CUL2: variants seen among roughly 807,000 people sequenced by gnomAD.
CUL2 encodes the protein cullin 2.
Under a neutral mutation model 110.2 loss-of-function variants are expected in CUL2, and 22 were observed. That is an observed-to-expected ratio of 0.20 (90% confidence interval 0.14 to 0.28). The LOEUF is 0.28. Ranked by LOEUF, CUL2 falls within the 10% of genes least tolerant of loss-of-function variation. The pLI, the probability that CUL2 is intolerant of heterozygous loss-of-function variation, is 1.00. For missense variants in CUL2, 631 were observed against 905.5 expected (o/e 0.70, Z 3.89); for synonymous variants, 279 against 293.2 (o/e 0.95, Z 0.49).
rs143752297 is a variant in CUL2 at position 35,031,690 on chromosome 10, G to T, written c.1171-71C>A. 356 of 1,525,340 alleles carry T rather than the reference G, an allele frequency of 2.3e-4. No homozygotes were observed. The African/African-American group carries it at 4.5e-3, about 19-fold the overall frequency. The allele number at this position is 1,525,340 out of a possible 1,614,324, so 94.5% of individuals were successfully genotyped here. Reference sequence around the variant, plus strand: ...TATATCACGCCTCAAAGGAGGCAAAGTGGTGATACAAGGTAAGATCAGCGG... The same window carrying T: ...TATATCACGCCTCAAAGGAGGCAAATTGGTGATACAAGGTAAGATCAGCGG... On this transcript the variant is annotated intron_variant, in intron 12 of 20. Transcript: ENST00000374749. This position sits in a 1 kb window ranked among gnomAD's most constrained non-coding sequence, Gnocchi z 4.4.
At chr10:35,042,593 A>G (rs1479419443) in intron 8 of CUL2, among the ~76,000 whole-genome samples, 2 of 152,100 alleles carry the variant, frequency 1.3e-5, no homozygotes, top group Non-Finnish European at 1.5e-5. Context: ...CGCTGGGGGA[A>G]AGACTACTGA....
At chr10:35,032,267 T>C (rs1191531344) in intron 12 of CUL2, among the ~76,000 whole-genome samples, 168 bp downstream of exon 12, 2 of 152,338 alleles carry the variant, frequency 1.3e-5, no homozygotes, top group Middle Eastern at 3.4e-3. Flanking sequence ...TTAAGACACA[T>C]AGTATATTGC....
chr10:35,114,609 C>T (rs1315129842), intron 1 of CUL2, among the ~76,000 whole-genome samples: 1 of 151,122 alleles, frequency 6.6e-6, no homozygotes, highest in East Asian at 2.0e-4. Context: ...TCTCGAACTC[C>T]TGACTTCATG....
upstream of CUL2, among the ~76,000 whole-genome samples, chr10:35,092,076 C>T (rs1476306735): frequency 6.6e-6 from 1 of 151,804 alleles, no homozygotes; most frequent in Admixed American, 6.6e-5. Context: ...TCTCAGTTTC[C>T]GAAGCAGCTG....
chr10:35,037,645 A>G (rs1419759309), intron 9 of CUL2, among the ~76,000 whole-genome samples: 1 of 152,074 alleles, frequency 6.6e-6, no homozygotes, highest in Admixed American at 6.5e-5. Context: ...GGAGTTCGAG[A>G]CCAGCCGGCC....
At chr10:35,065,891 G>T (rs1245832242) in intron 2 of CUL2, among the ~76,000 whole-genome samples, 1 of 151,990 alleles carries the variant, frequency 6.6e-6, no homozygotes, top group Non-Finnish European at 1.5e-5. Flanking sequence ...AACTAGGTCA[G>T]ATTTCAACTT....
chr10:35,116,826 GCA>G (rs1288367976), intron 1 of CUL2, among the ~76,000 whole-genome samples: 1 of 151,938 alleles, frequency 6.6e-6, no homozygotes, highest in Non-Finnish European at 1.5e-5. Context: ...GCGTGGTGGC[GCA>G]CGCCTGTAGT....
At chr10:35,073,842 G>A (rs909306472) in intron 1 of CUL2, among the ~76,000 whole-genome samples, 2 of 152,128 alleles carry the variant, frequency 1.3e-5, no homozygotes, top group Non-Finnish European at 2.9e-5. Flanking sequence ...CTGACCTCAA[G>A]TGATCCACCC....
chr10:35,054,409 G>C, intron 5 of CUL2, 25 bp downstream of exon 5: 1 of 1,230,902 alleles, frequency 8.1e-7, no homozygotes, highest in Non-Finnish European at 1.2e-6. Flanking sequence ...ACTTATGTTT[G>C]CTAGTCACTT....
At chr10:35,086,781 G>A (rs1186271146) in intron 1 of CUL2, among the ~76,000 whole-genome samples, 3 of 152,124 alleles carry the variant, frequency 2.0e-5, no homozygotes, top group Non-Finnish European at 4.4e-5. Context: ...AGAAAATGCT[G>A]CAGTACTCCA....
intron 1 of CUL2, among the ~76,000 whole-genome samples, chr10:35,107,196 G>C (rs1375461651): frequency 1.3e-5 from 2 of 151,558 alleles, no homozygotes; most frequent in East Asian, 2.0e-4. Context: ...GGATGGTCTT[G>C]ATCTCCTGAC....
Position 35,031,788 on chromosome 10 carries a change from CAT to C in CUL2, c.1171-171_1171-170del, listed in dbSNP as rs1289852155. Among the ~76,000 whole-genome samples the C allele has an allele frequency of 6.6e-6, 1 of 152,124 alleles. No homozygotes were observed. Among genetic ancestry groups the C allele is most frequent in the Non-Finnish European group, 1.5e-5 (1 of 68,026 alleles). On this transcript the variant is annotated intron_variant, in intron 12 of 20. Transcript: ENST00000374749. This position sits in a 1 kb window ranked among gnomAD's most constrained non-coding sequence, Gnocchi z 4.4. ...CAGGCTGGATTGCAGTGGACAAGAT[CAT>C]AGCTCACTGCAGCCTCAAACTCCTA...
At chr10:35,066,948 C>T (rs2086543949) in intron 2 of CUL2, among the ~76,000 whole-genome samples, 1 of 152,042 alleles carries the variant, frequency 6.6e-6, no homozygotes, top group African/African-American at 2.4e-5. Context: ...TTTTCAATGA[C>T]ATCAAAACTG....
intron 5 of CUL2, among the ~76,000 whole-genome samples, chr10:35,050,928 A>G (rs1201446232): frequency 5.3e-5 from 8 of 152,260 alleles, no homozygotes; most frequent in Admixed American, 5.2e-4. Context: ...ATACTTGCAT[A>G]GCAAAGCACA....
At chr10:35,026,670 C>A (rs570342464) in intron 16 of CUL2, among the ~76,000 whole-genome samples, 1 of 152,260 alleles carries the variant, frequency 6.6e-6, no homozygotes, top group East Asian at 1.9e-4. Flanking sequence ...ACTCTCGTAT[C>A]TATAGCTAGT....
At chr10:35,054,572 A>C in intron 4 of CUL2, 33 bp from the exon 5 acceptor site, 27 of 1,162,476 alleles carry the variant, frequency 2.3e-5, no homozygotes, top group Non-Finnish European at 3.2e-5. Context: ...ATGGATATTA[A>C]GTTAAAGTCA....
intron 1 of CUL2, among the ~76,000 whole-genome samples, chr10:35,106,304 G>GT (rs560169656): frequency 0.064 from 9,054 of 142,054 alleles, 809 homozygotes; most frequent in African/African-American, 0.21. Flanking sequence ...TGTGTTTTTT[G>GT]TTTTTTTTTT....
At chr10:35,039,154 T>A in intron 8 of CUL2, 72 bp from the exon 9 acceptor site, 1 of 960,460 alleles carries the variant, frequency 1.0e-6, no homozygotes, top group Non-Finnish European at 1.5e-6. Context: ...TATCAGCAAG[T>A]AACTCAGCCA....
At chr10:35,074,299 C>T in intron 1 of CUL2, 1 of 994,778 alleles carries the variant, frequency 1.0e-6, no homozygotes, top group Non-Finnish European at 1.5e-6. Flanking sequence ...GGCACCCAAG[C>T]TTCCTCTCCT....
Sources: allele counts gnomAD v4.1 joint callset (sites outside exome capture counted in the v4.1 genomes callset), GRCh38; gene constraint gnomAD v4.1.1; non-coding constraint Gnocchi (gnomAD v3.1); transcripts MANE v1.5; gene names NCBI Gene and HGNC (gene_info 2026-07-23, HGNC 2026-07-21).